The following KCNK10 variants were observed in gnomAD, a reference collection of about 807,000 sequenced individuals.
The protein encoded by KCNK10 is potassium two pore domain channel subfamily K member 10.
In KCNK10, 25 loss-of-function variants were observed where a neutral mutation model predicts 47.7. That is an observed-to-expected ratio of 0.52 (90% confidence interval 0.38 to 0.73). The LOEUF is 0.73. Ranked by LOEUF, KCNK10 falls within the 30% of genes least tolerant of loss-of-function variation. The pLI is 0.00. For missense variants in KCNK10, 563 were observed against 714.5 expected (o/e 0.79, Z 2.42); for synonymous variants, 303 against 285.6 (o/e 1.06, Z -0.61).
At chr14:88,252,172 C>T (rs929307799) in intron 2 of KCNK10, among the ~76,000 whole-genome samples, 1 of 152,072 alleles carries the variant, frequency 6.6e-6, no homozygotes, top group Admixed American at 6.6e-5. Context: ...GCCTCAGCCT[C>T]CCAAAGTGCT....
chr14:88,251,619 T>G (rs1886802404), intron 2 of KCNK10, among the ~76,000 whole-genome samples: 1 of 152,240 alleles, frequency 6.6e-6, no homozygotes, highest in Non-Finnish European at 1.5e-5. Flanking sequence ...ACAAATAACT[T>G]AAAACCCTTT....
rs114696236 is a variant in KCNK10, at chr14:88,211,226, A to G, written c.681+16149T>C. ...GCAATATTCATGAAGCCTTAAAGAC[A>G]CTGTGCTAAGTGAAATAGGCCAGAC... On this transcript the variant is annotated intron_variant, in intron 4 of 6. Coordinates refer to ENST00000319231, the MANE Select transcript of KCNK10 (RefSeq NM_138317.3). 9.6e-3 allele frequency among the ~76,000 whole-genome samples: 1,462 copies of G among 152,316 alleles called. 21 individuals are homozygous for G. The highest frequency in any genetic ancestry group is 0.034 in the African/African-American group (1,397 of 41,562).
chr14:88,209,219 G>GCATTTTTATAAAAATACAAACTGGCC (rs1382591301), intron 4 of KCNK10, among the ~76,000 whole-genome samples: 3 of 152,174 alleles, frequency 2.0e-5, no homozygotes, highest in Admixed American at 6.5e-5. Flanking sequence ...ACACTTTGAT[G>GCATTTTTATAAAAATACAAACTGGCC]CATTTTTATA....
At chr14:88,308,069 G>GA (rs1415693739) in intron 1 of KCNK10, among the ~76,000 whole-genome samples, 2 of 152,148 alleles carry the variant, frequency 1.3e-5, no homozygotes, top group African/African-American at 4.8e-5. Context: ...GGGCACACCT[G>GA]AGCTCTTGCT....
intron 4 of KCNK10, among the ~76,000 whole-genome samples, chr14:88,201,193 C>T (rs557373119): frequency 5.3e-5 from 8 of 152,256 alleles, no homozygotes; most frequent in Admixed American, 2.6e-4. Flanking sequence ...TCCTAGGGGA[C>T]GTGATCTCAT....
At chr14:88,248,569 A>C (rs957149619) in intron 2 of KCNK10, among the ~76,000 whole-genome samples, 1 of 152,028 alleles carries the variant, frequency 6.6e-6, no homozygotes, top group Non-Finnish European at 1.5e-5. Flanking sequence ...TCTCTACAAA[A>C]AATACAAAAA....
At chr14:88,198,785 A>T (rs1325088083) in intron 4 of KCNK10, among the ~76,000 whole-genome samples, 2 of 152,098 alleles carry the variant, frequency 1.3e-5, no homozygotes, top group Non-Finnish European at 2.9e-5. Flanking sequence ...TCTCCTATCT[A>T]ATTCTGAGGT....
intron 1 of KCNK10, among the ~76,000 whole-genome samples, chr14:88,264,764 G>T (rs546275200): frequency 6.6e-6 from 1 of 152,150 alleles, no homozygotes; most frequent in African/African-American, 2.4e-5. Context: ...TTACACAAAC[G>T]CAAAATTGCC....
At chr14:88,256,005 T>A (rs1886944490) in intron 2 of KCNK10, among the ~76,000 whole-genome samples, 1 of 152,214 alleles carries the variant, frequency 6.6e-6, no homozygotes, top group African/African-American at 2.4e-5. Context: ...ACACCAGCTC[T>A]GCAGGAAGTT....
chr14:88,253,254 A>G (rs10150163), intron 2 of KCNK10, among the ~76,000 whole-genome samples: 101,686 of 152,036 alleles, frequency 0.67, 34,491 homozygotes, highest in African/African-American at 0.79. Flanking sequence ...TTTGTTAAAC[A>G]GGACATAATT....
rs751078953 is a variant in KCNK10 at position 88,185,868 on chromosome 14, C to T, written c.1299G>A (p.Pro433=). Residue 433 remains proline, a synonymous_variant, in exon 7 of 7, where the codon CCG becomes CCA. Transcript: ENST00000319231. This position sits in a 1 kb window ranked among gnomAD's most constrained non-coding sequence, Gnocchi z 4.3. ...NRPNNLRLKG[P]EQLNKHGQGA... ...CCTGCCCATGCTTGTTCAGCTGCTCCGGCCCCTTCAGGCGCAGGTTGTTGG... is the reference window on the plus strand; with the variant it reads ...CCTGCCCATGCTTGTTCAGCTGCTCTGGCCCCTTCAGGCGCAGGTTGTTGG... 245 of 1,614,134 alleles carry T rather than the reference C, an allele frequency of 1.5e-4. 6 individuals carry two copies. The South Asian group carries it at 2.3e-3, about 15-fold the overall frequency.
In KCNK10 at chr14:88,220,416, C is replaced by CAAAA. The variant is rs58562095; in HGVS notation, c.681+6955_681+6958dup. ...TGGGCGACAGAGCGAGACTCCGTCT[C>CAAAA]AAAAAAAAAAAAAAAAAAAAAAAAA... On this transcript the variant is annotated intron_variant, in intron 4 of 6. Coordinates refer to ENST00000319231, the MANE Select transcript of KCNK10 (RefSeq NM_138317.3). 4.6e-4 allele frequency among the ~76,000 whole-genome samples: 14 copies of CAAAA among 30,160 alleles called. 2 individuals are homozygous for CAAAA. The highest frequency in any genetic ancestry group is 7.4e-4 in the African/African-American group (5 of 6,774). 19.8% of individuals were successfully genotyped at this position (30,160 alleles called of 152,430 possible).
chr14:88,222,230 GC>G (rs1045811889), intron 4 of KCNK10, among the ~76,000 whole-genome samples: 1 of 152,108 alleles, frequency 6.6e-6, no homozygotes, highest in Non-Finnish European at 1.5e-5. Flanking sequence ...GGAAAGACTG[GC>G]CCCCATGATT....
intron 3 of KCNK10, among the ~76,000 whole-genome samples, chr14:88,227,860 G>A (rs775289179): frequency 2.0e-5 from 3 of 152,174 alleles, no homozygotes; most frequent in Non-Finnish European, 4.4e-5. Flanking sequence ...CTAGTTTAGC[G>A]AGACCTGAAT....
chr14:88,266,878 C>T (rs1339614749), intron 1 of KCNK10, among the ~76,000 whole-genome samples: 2 of 152,168 alleles, frequency 1.3e-5, no homozygotes, highest in Non-Finnish European at 2.9e-5. Flanking sequence ...TGGATGCTTC[C>T]CAAGCTTCTA....
chr14:88,237,736 A>T (rs991817943), intron 3 of KCNK10, among the ~76,000 whole-genome samples: 3 of 152,170 alleles, frequency 2.0e-5, no homozygotes, highest in Non-Finnish European at 4.4e-5. Flanking sequence ...CAGTGAGGTT[A>T]AACTCTTCAG....
chr14:88,293,814 T>C (rs1887929797), intron 1 of KCNK10, among the ~76,000 whole-genome samples: 1 of 151,984 alleles, frequency 6.6e-6, no homozygotes, highest in Admixed American at 6.6e-5. Flanking sequence ...CAGCTGGGAC[T>C]ATAGGCATGC....
At position 88,220,873 on chromosome 14, in the gene KCNK10, T is replaced by C. The variant is rs1885787058; in HGVS notation, c.681+6502A>G. ...GTTGATAAGCTGGACTTCATTAAAATTAAAACCTCTGCTCTGTTAAAGACA... is the reference window on the plus strand; with the variant it reads ...GTTGATAAGCTGGACTTCATTAAAACTAAAACCTCTGCTCTGTTAAAGACA... On this transcript the variant is annotated intron_variant, in intron 4 of 6. Transcript: ENST00000319231. 3.3e-5 allele frequency among the ~76,000 whole-genome samples: 5 copies of C among 152,002 alleles called. No individual in the cohort carries two copies. In the South Asian group the frequency reaches 1.0e-3, roughly 32 times the overall value.
Position 88,322,711 on chromosome 14 carries a change from G to A in KCNK10, c.52+36C>T, listed in dbSNP as rs370140986. On this transcript the variant is annotated intron_variant, in intron 1 of 6. Transcript: ENST00000319231. The surrounding 1 kb of genome is among the most constrained non-coding windows in gnomAD (Gnocchi z 4.8). ...AAGCGCGCACACGCCGGAGACAGAG[G>A]CAGGGCGAGGGCAGCCAAAAGTAGG... 6 of 1,613,416 alleles carry A rather than the reference G, an allele frequency of 3.7e-6. No homozygotes were observed. The African/African-American group carries it at 8.0e-5, about 22-fold the overall frequency.
Sources: gnomAD v4.1 joint callset for allele counts (sites outside exome capture counted in the v4.1 genomes callset) on GRCh38, gnomAD v4.1.1 for gene constraint, Gnocchi (gnomAD v3.1) non-coding constraint, MANE v1.5 for transcripts, NCBI Gene and HGNC (gene_info 2026-07-23, HGNC 2026-07-21) for gene names.